Variants in ROBO2 observed in about 807,000 individuals in gnomAD.
ROBO2 encodes the protein roundabout guidance receptor 2.
A neutral mutation model predicts 160.8 loss-of-function variants in ROBO2; 53 were observed. The ratio of observed to expected loss-of-function variants is 0.33; its 90% CI spans 0.26 to 0.41. The LOEUF (loss-of-function observed/expected upper bound fraction) is 0.41. ROBO2 is among the 10% of genes least tolerant of loss of function. The probability of loss-of-function intolerance (pLI) is 1.00; values close to 1 mark genes in which losing one functional copy is unlikely to be tolerated. For synonymous variants in ROBO2, 664 were observed against 611.7 expected (o/e 1.09, Z -1.26); for missense variants, 1,577 against 1,722.4 (o/e 0.92, Z 1.49).
chr3:77,260,814 C>T (rs1257707402), intron 2 of ROBO2, among the ~76,000 whole-genome samples: 2 of 152,118 alleles, frequency 1.3e-5, no homozygotes, highest in Non-Finnish European at 2.9e-5. Context: ...GTGCGACGTC[C>T]CTATTTGCTT....
At chr3:77,272,911 G>C (rs972802310) in intron 2 of ROBO2, among the ~76,000 whole-genome samples, 2 of 152,042 alleles carry the variant, frequency 1.3e-5, no homozygotes, top group Non-Finnish European at 2.9e-5. Context: ...TTAAGGACTA[G>C]ATATTCATGT....
intron 2 of ROBO2, among the ~76,000 whole-genome samples, chr3:76,270,862 C>T (rs180745290): frequency 2.4e-4 from 37 of 152,114 alleles, no homozygotes; most frequent in East Asian, 7.7e-4. Flanking sequence ...GGCTTGAAGA[C>T]GCTGGACAAG....
chr3:76,774,565 T>C (rs796119494), intron 2 of ROBO2, among the ~76,000 whole-genome samples: 6 of 150,980 alleles, frequency 4.0e-5, no homozygotes, highest in African/African-American at 1.4e-4. Context: ...AATTAGTAAA[T>C]GTTGCTCCTT....
intron 2 of ROBO2, among the ~76,000 whole-genome samples, chr3:76,802,709 C>G (rs969216023): frequency 1.8e-4 from 24 of 133,748 alleles, no homozygotes; most frequent in Non-Finnish European, 3.4e-4. Flanking sequence ...GCCTGGGCGA[C>G]AGAGCGAGAC....
intron 2 of ROBO2, among the ~76,000 whole-genome samples, chr3:77,259,389 A>G (rs1462728368): frequency 6.6e-6 from 1 of 152,212 alleles, no homozygotes; most frequent in Non-Finnish European, 1.5e-5. Flanking sequence ...CCTGGCCCAC[A>G]GTATATCTTC....
chr3:76,564,173 T>G (rs2084373707), intron 2 of ROBO2, among the ~76,000 whole-genome samples: 1 of 152,212 alleles, frequency 6.6e-6, no homozygotes, highest in Non-Finnish European at 1.5e-5. Flanking sequence ...GCCTATGCAC[T>G]CCAGTCGGGG....
intron 17 of ROBO2, among the ~76,000 whole-genome samples, chr3:77,593,694 G>T (rs970992237): frequency 1.5e-4 from 23 of 152,112 alleles, no homozygotes; most frequent in African/African-American, 4.8e-4. Flanking sequence ...TTAAAGGAGG[G>T]ACTTCATTTG....
intron 2 of ROBO2, among the ~76,000 whole-genome samples, chr3:76,726,636 C>T (rs886925145): frequency 2.6e-5 from 4 of 152,124 alleles, no homozygotes; most frequent in African/African-American, 9.7e-5. Flanking sequence ...GAGCCTCACT[C>T]CTACCATTTT....
chr3:76,843,030 T>G (rs2068440574), intron 2 of ROBO2, among the ~76,000 whole-genome samples: 1 of 151,986 alleles, frequency 6.6e-6, no homozygotes, highest in African/African-American at 2.4e-5. Flanking sequence ...CAAAAACAAA[T>G]GTTGTTTGTT....
chr3:77,094,251 T>C (rs949379605), intron 1 of ROBO2, among the ~76,000 whole-genome samples: 1 of 152,172 alleles, frequency 6.6e-6, no homozygotes, highest in Non-Finnish European at 1.5e-5. Context: ...TCGTACAATA[T>C]ATGGTCCATT....
At position 77,507,969 on chromosome 3, in the gene ROBO2, A is replaced by T. The variant is rs187327399; in HGVS notation, c.806+14587A>T. ...GAAAAGTTACTGGAAAAATTGCCAA[A>T]AGAGTGTTGCATATTAAGGACAATA... is the stretch of plus-strand genomic sequence containing the variant. On this transcript the variant is annotated intron_variant, in intron 5 of 25. Coordinates refer to ENST00000461745, the Ensembl canonical transcript of ROBO2. Among the ~76,000 whole-genome samples the T allele has an allele frequency of 3.6e-3, 547 of 152,174 alleles. 1 individual carries two copies. The highest frequency in any genetic ancestry group is 5.1e-3 in the Non-Finnish European group (346 of 67,962).
chr3:76,872,022 G>T (rs972201511), intron 2 of ROBO2, among the ~76,000 whole-genome samples: 1 of 151,828 alleles, frequency 6.6e-6, no homozygotes, highest in East Asian at 1.9e-4. Flanking sequence ...TATAACACCT[G>T]GAGATTTGTC....
At chr3:77,165,213 A>G (rs1478619925) in intron 2 of ROBO2, among the ~76,000 whole-genome samples, 1 of 150,408 alleles carries the variant, frequency 6.6e-6, no homozygotes, top group Non-Finnish European at 1.5e-5. Flanking sequence ...TTTGTTCTGC[A>G]CTAAGAAAAA....
chr3:76,802,447 G>A (rs2064276678), intron 2 of ROBO2, among the ~76,000 whole-genome samples: 1 of 151,994 alleles, frequency 6.6e-6, no homozygotes, highest in Non-Finnish European at 1.5e-5. Context: ...CACCTTCAGA[G>A]GCCGGGCGCG....
chr3:77,431,163 C>T lies in ROBO2; in HGVS notation c.389-46251C>T, dbSNP rs571832850. Among the ~76,000 whole-genome samples the T allele has an allele frequency of 2.7e-4, 41 of 152,248 alleles. 1 individual carries two copies. The South Asian group carries it at 5.6e-3, about 21-fold the overall frequency. On this transcript the variant is annotated intron_variant, in intron 2 of 25. Coordinates refer to ENST00000461745, the Ensembl canonical transcript of ROBO2. The stretch of plus-strand genomic sequence containing the variant: ...TAGCAATTGGCTCCTGAGTTTCAGC[C>T]GGAGCTGGTTTCAGTGAGTAACTCT...
Position 76,779,278 on chromosome 3 carries a change from C to T in ROBO2, c.110-318736C>T, listed in dbSNP as rs190870938. Among the ~76,000 whole-genome samples the T allele has an allele frequency of 5.2e-4, 78 of 151,066 alleles. 2 individuals are homozygous for T. Among genetic ancestry groups the T allele is most frequent in the Middle Eastern group, 3.4e-3 (1 of 292 alleles). The stretch of plus-strand genomic sequence containing the variant: ...CTCATGAAACTATCAATATCGTCAA[C>T]GCCAAAAATATACCCGTCACCTCCC... On this transcript the variant is annotated intron_variant, in intron 2 of 26. Transcript: ENST00000487694.
chr3:76,793,048 C>CAAA (rs1353169658), intron 2 of ROBO2, among the ~76,000 whole-genome samples: 1 of 151,446 alleles, frequency 6.6e-6, no homozygotes, highest in Non-Finnish European at 1.5e-5. Flanking sequence ...AAAATAGAAA[C>CAAA]AAAAATGCGA....
intron 2 of ROBO2, among the ~76,000 whole-genome samples, chr3:77,014,265 A>G (rs559447230): frequency 6.6e-6 from 1 of 152,284 alleles, no homozygotes; most frequent in East Asian, 1.9e-4. Flanking sequence ...ACATTCCCAC[A>G]CTACGACCTA....
At chr3:77,336,163 TG>T (rs1480847780) in intron 2 of ROBO2, among the ~76,000 whole-genome samples, 2 of 152,162 alleles carry the variant, frequency 1.3e-5, no homozygotes, top group African/African-American at 4.8e-5. Flanking sequence ...GGGTTCTACT[TG>T]CACAAATGCA....
Sources: allele counts gnomAD v4.1 joint callset (sites outside exome capture counted in the v4.1 genomes callset), GRCh38; gene constraint gnomAD v4.1.1; transcripts MANE v1.5; gene names NCBI Gene and HGNC (gene_info 2026-07-23, HGNC 2026-07-21).